Variants in HACE1 observed in about 807,000 individuals in gnomAD.
The protein encoded by HACE1 is E3 ubiquitin-protein ligase HACE1.
Under a neutral mutation model 118.4 loss-of-function variants are expected in HACE1, and 73 were observed. The observed-to-expected ratio is 0.62, with a 90% confidence interval of 0.51 to 0.75. The LOEUF is 0.75. Among genes scored for constraint, HACE1 ranks in the 30% least tolerant of loss-of-function variants. The pLI is 0.00. For synonymous variants in HACE1, 368 were observed against 374.8 expected (o/e 0.98, Z 0.21); for missense variants, 749 against 1,102.2 (o/e 0.68, Z 4.54).
chr6:104,780,405 T>C (rs774651038), intron 14 of HACE1: 3 of 436,592 alleles, frequency 6.9e-6, no homozygotes, highest in Non-Finnish European at 1.4e-5. Context: ...AGGCTCCTCT[T>C]AATAGCATTT....
In HACE1 at chr6:104,859,732, A is replaced by G. The variant is rs907408311; in HGVS notation, c.-90T>C. On this transcript the variant is annotated 5_prime_UTR_variant, in exon 1 of 24. Transcript: ENST00000262903. ...CCCTACATCTCGCCTGGGCCCGTCC[A>G]GCAGGCGGAGACGCGGGCTTGCCCC... 2.5e-6 allele frequency: 3 copies of G among 1,201,834 alleles called. No individual in the cohort carries two copies. Among genetic ancestry groups the G allele is most frequent in the African/African-American group, 1.6e-5 (1 of 62,936 alleles). The allele number at this position is 1,201,834 out of a possible 1,614,324, so 74.4% of individuals were successfully genotyped here. A position where few individuals can be genotyped will look rare whatever the true frequency, so the allele number is the denominator to read the frequency against.
intron 4 of HACE1, among the ~76,000 whole-genome samples, chr6:104,845,615 C>T (rs1775589619): frequency 6.6e-6 from 1 of 151,594 alleles, no homozygotes; most frequent in South Asian, 2.1e-4. Flanking sequence ...GTAGCTGGGA[C>T]TACAGGCACC....
intron 19 of HACE1, among the ~76,000 whole-genome samples, chr6:104,759,243 T>C (rs1032796825): frequency 1.3e-5 from 2 of 152,126 alleles, no homozygotes; most frequent in African/African-American, 2.4e-5. Flanking sequence ...CAACAGAATA[T>C]AGATTCTTCT....
chr6:104,793,007 G>A lies in HACE1; in HGVS notation c.924-1353C>T, dbSNP rs973416519. 4.0e-5 allele frequency among the ~76,000 whole-genome samples: 6 copies of A among 151,662 alleles called. No individual in the cohort carries two copies. In the East Asian group the frequency reaches 7.8e-4, roughly 20 times the overall value. ...GCTTTTGCCGGGCGTGGTGGCTCACGCCTGTAATCCCAGCACTTTGGGAGG... is the reference window on the plus strand; with the variant it reads ...GCTTTTGCCGGGCGTGGTGGCTCACACCTGTAATCCCAGCACTTTGGGAGG... On this transcript the variant is annotated intron_variant, in intron 10 of 23. Coordinates refer to ENST00000262903, the MANE Select transcript of HACE1 (RefSeq NM_020771.4).
chr6:104,831,970 GAAGAGAAGAGAGGAAGGA>G (rs770758397), intron 6 of HACE1, among the ~76,000 whole-genome samples: 1,438 of 69,760 alleles, frequency 0.021, 7 homozygotes, highest in Admixed American at 0.032. Context: ...GAAGAGAAGA[GAAGAGAAGAGAGGAAGGA>G]AGGAAGGAAG....
intron 11 of HACE1, among the ~76,000 whole-genome samples, chr6:104,789,596 T>A (rs1230879996): frequency 6.6e-6 from 1 of 152,124 alleles, no homozygotes; most frequent in African/African-American, 2.4e-5. Context: ...AACATTTAAA[T>A]CAATATTTAA....
intron 6 of HACE1, among the ~76,000 whole-genome samples, chr6:104,827,882 A>G (rs1427514259): frequency 6.6e-6 from 1 of 152,082 alleles, no homozygotes; most frequent in African/African-American, 2.4e-5. Flanking sequence ...CTATCATTTT[A>G]TGTTGTTTGT....
intron 7 of HACE1, among the ~76,000 whole-genome samples, chr6:104,804,269 C>G (rs373749548): frequency 6.6e-6 from 1 of 152,180 alleles, no homozygotes; most frequent in Non-Finnish European, 1.5e-5. Flanking sequence ...GAATCAATAT[C>G]GTGAAAATGG....
intron 10 of HACE1, 88 bp from the exon 11 acceptor site, chr6:104,791,742 A>G: frequency 3.6e-6 from 3 of 828,112 alleles, no homozygotes; most frequent in Non-Finnish European, 5.9e-6. Context: ...CCCACTGACC[A>G]TCTGTTTCAT....
At chr6:104,830,048 T>A (rs1773705584) in intron 6 of HACE1, among the ~76,000 whole-genome samples, 1 of 152,216 alleles carries the variant, frequency 6.6e-6, no homozygotes, top group Non-Finnish European at 1.5e-5. Context: ...TAAAATTAGC[T>A]TTTATAAATC....
chr6:104,787,854 G>GAAC (rs1337017494), intron 11 of HACE1, among the ~76,000 whole-genome samples: 1 of 152,004 alleles, frequency 6.6e-6, no homozygotes, highest in Non-Finnish European at 1.5e-5. Context: ...TTTAATAAAG[G>GAAC]AACACAGCAA....
intron 22 of HACE1, among the ~76,000 whole-genome samples, chr6:104,741,981 G>C (rs1184049167): frequency 1.3e-5 from 2 of 151,370 alleles, no homozygotes; most frequent in Admixed American, 6.6e-5. Context: ...CAATGGAACA[G>C]AACAGAGCCC....
chr6:104,820,194 C>CAAA (rs60172674), intron 6 of HACE1, among the ~76,000 whole-genome samples: 5 of 58,832 alleles, frequency 8.5e-5, no homozygotes, highest in African/African-American at 2.3e-4. Flanking sequence ...GACTCCGTCT[C>CAAA]AAAAAAAAAA....
chr6:104,805,352 G>A (rs1288559476), intron 7 of HACE1, among the ~76,000 whole-genome samples: 1 of 152,124 alleles, frequency 6.6e-6, no homozygotes, highest in Non-Finnish European at 1.5e-5. Flanking sequence ...TCCCATTACT[G>A]GGTATATACC....
chr6:104,736,074 T>C (rs1775792595), intron 22 of HACE1, among the ~76,000 whole-genome samples: 3 of 151,760 alleles, frequency 2.0e-5, no homozygotes, highest in Admixed American at 2.0e-4. Flanking sequence ...AGATTGGAAG[T>C]GGTTTTTTTT....
chr6:104,749,998 C>T (rs1038721208), intron 20 of HACE1, among the ~76,000 whole-genome samples: 1 of 152,022 alleles, frequency 6.6e-6, no homozygotes. Flanking sequence ...GCGCCCTTTA[C>T]ATCATGTGGT....
At chr6:104,822,546 C>T (rs80035411) in intron 6 of HACE1, among the ~76,000 whole-genome samples, 404 of 151,392 alleles carry the variant, frequency 2.7e-3, no homozygotes, top group African/African-American at 9.5e-3. Flanking sequence ...GAGTGAAACC[C>T]TGTCTCTAAA....
chr6:104,798,125 A>G (rs1392747663), intron 7 of HACE1, among the ~76,000 whole-genome samples: 1 of 151,962 alleles, frequency 6.6e-6, no homozygotes, highest in Non-Finnish European at 1.5e-5. Flanking sequence ...TGCCCAAATA[A>G]GTTGTACAGT....
intron 22 of HACE1, among the ~76,000 whole-genome samples, chr6:104,740,128 C>T (rs1297898966): frequency 2.7e-5 from 4 of 148,342 alleles, no homozygotes; most frequent in Admixed American, 6.7e-5. Context: ...ATGAGAACAA[C>T]GACACAACAT....
Sources: gnomAD v4.1 joint callset for allele counts (sites outside exome capture counted in the v4.1 genomes callset) on GRCh38, gnomAD v4.1.1 for gene constraint, MANE v1.5 for transcripts, NCBI Gene and HGNC (gene_info 2026-07-23, HGNC 2026-07-21) for gene names.